Variants in TNFRSF21 observed in about 807,000 individuals in gnomAD.
TNFRSF21 encodes the protein TNF receptor superfamily member 21.
Under a neutral mutation model 45.6 loss-of-function variants are expected in TNFRSF21, and 19 were observed. That is an observed-to-expected ratio of 0.42 (90% confidence interval 0.29 to 0.61). The LOEUF is 0.61. TNFRSF21 is among the 20% of genes least tolerant of loss of function. TNFRSF21 has a pLI of 0.23. For synonymous variants in TNFRSF21, 314 were observed against 335.5 expected, an observed-to-expected ratio of 0.94 and a Z score of 0.70; for missense variants, 737 against 851.5, an observed-to-expected ratio of 0.87 and a Z score of 1.67.
intron 3 of TNFRSF21, among the ~76,000 whole-genome samples, chr6:47,267,390 G>A (rs762670516): frequency 2.6e-5 from 4 of 152,120 alleles, no homozygotes; most frequent in Non-Finnish European, 5.9e-5. Context: ...GTGAGTCACC[G>A]CACCTGGCCT....
In TNFRSF21 at chr6:47,292,259, G is replaced by A. The variant is rs144240797; in HGVS notation, c.97-5664C>T. Among the ~76,000 whole-genome samples the A allele has an allele frequency of 7.1e-4, 108 of 152,186 alleles. 2 individuals carry two copies. In the East Asian group the frequency reaches 0.014, roughly 20 times the overall value. ...AGTGGGAGCCAGAATATCTGACGCC[G>A]AGTCCTACCTGGTCAAGATCCTTAA... On this transcript the variant is annotated intron_variant, in intron 1 of 5. Coordinates refer to ENST00000296861, the MANE Select transcript of TNFRSF21 (RefSeq NM_014452.5).
intron 1 of TNFRSF21, among the ~76,000 whole-genome samples, chr6:47,296,084 C>T (rs1009998156): frequency 1.3e-5 from 2 of 152,146 alleles, no homozygotes; most frequent in African/African-American, 4.8e-5. Flanking sequence ...TCTAAGACTT[C>T]TGCATACATG....
chr6:47,269,204 C>G (rs1257205648), intron 3 of TNFRSF21, among the ~76,000 whole-genome samples: 1 of 151,276 alleles, frequency 6.6e-6, no homozygotes, highest in Non-Finnish European at 1.5e-5. Flanking sequence ...CAAACACACA[C>G]ACACAGACAC....
At chr6:47,302,535 C>T (rs939923324) in intron 1 of TNFRSF21, among the ~76,000 whole-genome samples, 1 of 152,182 alleles carries the variant, frequency 6.6e-6, no homozygotes, top group African/African-American at 2.4e-5. Flanking sequence ...TCCATCTTAG[C>T]GATGGCACCC....
At chr6:47,287,189 C>T (rs1048539691) in intron 1 of TNFRSF21, among the ~76,000 whole-genome samples, 7 of 151,488 alleles carry the variant, frequency 4.6e-5, no homozygotes, top group African/African-American at 1.7e-4. Context: ...TGCCTGTAAT[C>T]CCAGCTACTC....
intron 1 of TNFRSF21, among the ~76,000 whole-genome samples, chr6:47,296,743 A>T (rs1475926587): frequency 6.6e-6 from 1 of 152,222 alleles, no homozygotes; most frequent in African/African-American, 2.4e-5. Context: ...GGGGATGGGC[A>T]TGGAAGCTCC....
intron 4 of TNFRSF21, among the ~76,000 whole-genome samples, chr6:47,245,294 T>G (rs1035629276): frequency 2.6e-5 from 4 of 152,152 alleles, no homozygotes; most frequent in African/African-American, 9.7e-5. Context: ...TGATTCTGCT[T>G]TGTGTTTTGT....
chr6:47,235,665 A>G (rs1480576235), intron 4 of TNFRSF21, among the ~76,000 whole-genome samples: 1 of 152,198 alleles, frequency 6.6e-6, no homozygotes, highest in East Asian at 1.9e-4. Flanking sequence ...TTTCTTAACT[A>G]AGGGCCAACA....
chr6:47,295,245 C>A (rs1467818486), intron 1 of TNFRSF21, among the ~76,000 whole-genome samples: 1 of 152,190 alleles, frequency 6.6e-6, no homozygotes, highest in Non-Finnish European at 1.5e-5. Flanking sequence ...CTCAGATTTG[C>A]AAAGACATGT....
intron 3 of TNFRSF21, among the ~76,000 whole-genome samples, chr6:47,271,103 A>G (rs892407146): frequency 1.3e-5 from 2 of 152,242 alleles, no homozygotes; most frequent in South Asian, 2.1e-4. Context: ...TCAGAATATT[A>G]TCCAGGAGAA....
intron 4 of TNFRSF21, among the ~76,000 whole-genome samples, chr6:47,237,722 T>C (rs971449912): frequency 7.3e-5 from 11 of 150,364 alleles, no homozygotes; most frequent in Admixed American, 2.0e-4. Context: ...CTCACACCTA[T>C]TTTTTTTTGT....
intron 1 of TNFRSF21, among the ~76,000 whole-genome samples, chr6:47,296,713 C>T (rs75662709): frequency 3.1e-4 from 47 of 152,306 alleles, no homozygotes; most frequent in Non-Finnish European, 5.6e-4. Context: ...CAGCTGAACA[C>T]CTGGAGATTC....
intron 1 of TNFRSF21, among the ~76,000 whole-genome samples, chr6:47,305,182 TGG>T: frequency 6.6e-6 from 1 of 152,348 alleles, no homozygotes; most frequent in South Asian, 2.1e-4. Context: ...GCACTGGTGA[TGG>T]CCATGCTCAT....
chr6:47,245,864 A>G (rs1764817198), intron 4 of TNFRSF21, among the ~76,000 whole-genome samples: 1 of 152,166 alleles, frequency 6.6e-6, no homozygotes, highest in African/African-American at 2.4e-5. Context: ...AGGCTTCAGG[A>G]AACTTATAAT....
At chr6:47,245,188 C>T (rs1378019038) in intron 4 of TNFRSF21, among the ~76,000 whole-genome samples, 1 of 152,078 alleles carries the variant, frequency 6.6e-6, no homozygotes, top group Non-Finnish European at 1.5e-5. Flanking sequence ...AATTAAAGCC[C>T]ACTTCCATCC....
intron 3 of TNFRSF21, among the ~76,000 whole-genome samples, chr6:47,278,371 C>T (rs911596649): frequency 3.3e-5 from 5 of 152,210 alleles, no homozygotes; most frequent in Admixed American, 1.3e-4. Flanking sequence ...TCCAAGAGAA[C>T]TTTGTATGAT....
At chr6:47,287,055 A>G (rs1345514843) in intron 1 of TNFRSF21, among the ~76,000 whole-genome samples, 2 of 152,074 alleles carry the variant, frequency 1.3e-5, no homozygotes, top group Admixed American at 1.3e-4. Context: ...ATTTTTGCAC[A>G]CCTGCATTTT....
intron 1 of TNFRSF21, among the ~76,000 whole-genome samples, chr6:47,292,187 A>G (rs940573209): frequency 2.2e-4 from 34 of 152,186 alleles, no homozygotes; most frequent in African/African-American, 8.0e-4. Flanking sequence ...AGCTAATGCT[A>G]GGAAAACACC....
chr6:47,258,639 A>G (rs1269443024), intron 3 of TNFRSF21, among the ~76,000 whole-genome samples: 8 of 152,106 alleles, frequency 5.3e-5, no homozygotes, highest in Non-Finnish European at 1.2e-4. Flanking sequence ...GGGTTTTGCC[A>G]TGTTGGCCAG....
Sources: allele counts gnomAD v4.1 joint callset (sites outside exome capture counted in the v4.1 genomes callset), GRCh38; gene constraint gnomAD v4.1.1; transcripts MANE v1.5; gene names NCBI Gene and HGNC (gene_info 2026-07-23, HGNC 2026-07-21).